NOS1AP: variants seen among roughly 807,000 people sequenced by gnomAD.
The protein encoded by NOS1AP is carboxyl-terminal PDZ ligand of neuronal nitric oxide synthase protein.
NOS1AP carries 21 observed loss-of-function variants against 56.2 expected under a neutral mutation model. That is an observed-to-expected ratio of 0.37 (90% CI 0.26 to 0.54). The LOEUF is 0.54. Among genes scored for constraint, NOS1AP ranks in the 20% least tolerant of loss-of-function variants. The pLI, the probability that NOS1AP is intolerant of heterozygous loss-of-function variation, is 0.84. For missense variants in NOS1AP, 522 were observed against 657.8 expected (o/e 0.79, Z 2.26); for synonymous variants, 270 against 274.6 (o/e 0.98, Z 0.17).
chr1:162,103,505 A>G (rs1021185953), intron 1 of NOS1AP, among the ~76,000 whole-genome samples: 11 of 152,012 alleles, frequency 7.2e-5, no homozygotes, highest in Admixed American at 4.6e-4. Context: ...TTCTGTCTCA[A>G]TGGTCTGTCT....
chr1:162,227,413 C>T (rs1342146854), intron 2 of NOS1AP, among the ~76,000 whole-genome samples: 1 of 152,096 alleles, frequency 6.6e-6, no homozygotes, highest in Non-Finnish European at 1.5e-5. Flanking sequence ...ATCTTAGAAA[C>T]CAAGAATGGG....
chr1:162,130,171 G>C (rs554196732), intron 1 of NOS1AP, among the ~76,000 whole-genome samples: 1 of 152,300 alleles, frequency 6.6e-6, no homozygotes, highest in Admixed American at 6.5e-5. Flanking sequence ...GGCTATTTCT[G>C]ATAATGGCTA....
At chr1:162,256,966 G>A (rs535250016) in intron 2 of NOS1AP, among the ~76,000 whole-genome samples, 1 of 152,232 alleles carries the variant, frequency 6.6e-6, no homozygotes, top group South Asian at 2.1e-4. Context: ...CACTTACAGG[G>A]CATTCTCTTC....
At chr1:162,169,036 A>G (rs1168449569) in intron 2 of NOS1AP, among the ~76,000 whole-genome samples, 1 of 152,226 alleles carries the variant, frequency 6.6e-6, no homozygotes, top group Non-Finnish European at 1.5e-5. Context: ...TTGAGGTTAA[A>G]ATAAAGAGTC....
chr1:162,235,767 G>T (rs1041851886), intron 2 of NOS1AP, among the ~76,000 whole-genome samples: 1 of 152,228 alleles, frequency 6.6e-6, no homozygotes, highest in Non-Finnish European at 1.5e-5. Flanking sequence ...GGTCCACATG[G>T]GGCCAGTGTT....
rs754889905 is a variant in NOS1AP, at chr1:162,369,591, G to A, written c.*2124G>A. 6.6e-6 allele frequency: 1 copy of A among 152,352 alleles called. No homozygotes were observed. Among genetic ancestry groups the A allele is most frequent in the African/African-American group, 2.4e-5 (1 of 41,436 alleles). 9.4% of individuals were successfully genotyped at this position (152,352 alleles called of 1,614,324 possible). On this transcript the variant is annotated 3_prime_UTR_variant, in exon 10 of 10. Coordinates refer to ENST00000361897, the MANE Select transcript of NOS1AP (RefSeq NM_014697.3). ...GGGTGAGGAAGGCCGCTTCTAAATG[G>A]CCTGTAAAAACTTGAGATTGGATAG...
rs1343021425 is a variant in NOS1AP, at chr1:162,178,776, G to A, written c.177+24300G>A. Among the ~76,000 whole-genome samples, 3 of 152,252 alleles carry A rather than the reference G, an allele frequency of 2.0e-5. No homozygotes were observed. The East Asian group carries it at 5.8e-4, about 29-fold the overall frequency. ...GGAAGAAAAAGGTTTCTTTCTCTGTGTGAAAGTTGTAGCCTTGCCTAGGTG... is the reference window on the plus strand; with the variant it reads ...GGAAGAAAAAGGTTTCTTTCTCTGTATGAAAGTTGTAGCCTTGCCTAGGTG... On this transcript the variant is annotated intron_variant, in intron 2 of 9. Transcript: ENST00000361897.
chr1:162,155,289 C>CATATATGTATATACATATGT (rs1557808096), intron 2 of NOS1AP, among the ~76,000 whole-genome samples: 3 of 142,016 alleles, frequency 2.1e-5, no homozygotes, highest in Admixed American at 7.1e-5. Context: ...CACATATATA[C>CATATATGTATATACATATGT]ATATATATGT....
chr1:162,362,303 T>G (rs1175887747), intron 8 of NOS1AP, among the ~76,000 whole-genome samples: 1 of 152,010 alleles, frequency 6.6e-6, no homozygotes, highest in African/African-American at 2.4e-5. Context: ...ATACAAAAAT[T>G]AGCTAGGTGT....
chr1:162,187,655 G>A (rs1328002679), intron 2 of NOS1AP, among the ~76,000 whole-genome samples: 2 of 152,194 alleles, frequency 1.3e-5, no homozygotes, highest in Admixed American at 6.5e-5. Context: ...TCTCCAGTGT[G>A]TAGAGGTGTT....
At chr1:162,229,393 A>G (rs551859002) in intron 2 of NOS1AP, among the ~76,000 whole-genome samples, 7 of 152,288 alleles carry the variant, frequency 4.6e-5, no homozygotes, top group South Asian at 2.1e-4. Flanking sequence ...TTTTCTTTAC[A>G]TGTTTTCCTA....
At position 162,231,268 on chromosome 1, in the gene NOS1AP, G is replaced by A. The variant is rs553288003; in HGVS notation, c.178-56076G>A. ...TGAGCAGCTTTTCATATGCCTCCTG[G>A]CCATTTGGGTGTCTTCTTTGAAGAA... On this transcript the variant is annotated intron_variant, in intron 2 of 9. Coordinates refer to ENST00000361897, the MANE Select transcript of NOS1AP (RefSeq NM_014697.3). Among the ~76,000 whole-genome samples the A allele has an allele frequency of 4.6e-5, 7 of 150,574 alleles. No homozygotes were observed. In the South Asian group the frequency reaches 1.5e-3, roughly 31 times the overall value.
At chr1:162,339,707 T>C (rs1657047655) in intron 5 of NOS1AP, among the ~76,000 whole-genome samples, 1 of 152,220 alleles carries the variant, frequency 6.6e-6, no homozygotes, top group Non-Finnish European at 1.5e-5. Flanking sequence ...TCCCAGCGTG[T>C]GTGATTCTTG....
intron 2 of NOS1AP, among the ~76,000 whole-genome samples, chr1:162,256,311 G>A (rs1403757870): frequency 6.6e-6 from 1 of 152,148 alleles, no homozygotes; most frequent in Admixed American, 6.5e-5. Context: ...CTGATGTGTT[G>A]AAAAACACTC....
chr1:162,161,513 C>G (rs1417040827), intron 2 of NOS1AP, among the ~76,000 whole-genome samples: 1 of 152,164 alleles, frequency 6.6e-6, no homozygotes, highest in Non-Finnish European at 1.5e-5. Flanking sequence ...ATGTATTTTA[C>G]AGTTATACAT....
At chr1:162,278,743 A>G (rs1296055458) in intron 2 of NOS1AP, among the ~76,000 whole-genome samples, 1 of 150,934 alleles carries the variant, frequency 6.6e-6, no homozygotes, top group Non-Finnish European at 1.5e-5. Flanking sequence ...TAACAGTGTT[A>G]TCTCTGCCCC....
intron 2 of NOS1AP, among the ~76,000 whole-genome samples, chr1:162,215,716 T>C (rs1325994474): frequency 6.6e-6 from 1 of 152,222 alleles, no homozygotes; most frequent in Non-Finnish European, 1.5e-5. Flanking sequence ...CCTCCACTCA[T>C]GCCCAGGCAG....
At chr1:162,072,761 T>C (rs932282599) in intron 1 of NOS1AP, among the ~76,000 whole-genome samples, 1 of 152,200 alleles carries the variant, frequency 6.6e-6, no homozygotes, top group African/African-American at 2.4e-5. Context: ...TCCTACATGC[T>C]CCTGGTAAGA....
intron 8 of NOS1AP, 161 bp from the exon 9 acceptor site, chr1:162,365,243 A>C: frequency 1.4e-6 from 2 of 1,479,170 alleles, no homozygotes; most frequent in East Asian, 4.9e-5. Flanking sequence ...CCTCCTCTGG[A>C]ATGATAAGCC....
Sources: gnomAD v4.1 joint callset for allele counts (sites outside exome capture counted in the v4.1 genomes callset) on GRCh38, gnomAD v4.1.1 for gene constraint, MANE v1.5 for transcripts, NCBI Gene and HGNC (gene_info 2026-07-23, HGNC 2026-07-21) for gene names.